Variants in PIK3CB observed in about 807,000 individuals in gnomAD.
PIK3CB encodes phosphatidylinositol 4,5-bisphosphate 3-kinase catalytic subunit beta isoform.
PIK3CB carries 39 observed loss-of-function variants against 136.8 expected under a neutral mutation model. The ratio of observed to expected loss-of-function variants is 0.29; its 90% CI spans 0.22 to 0.37. PIK3CB has a LOEUF of 0.37. Ranked by LOEUF, PIK3CB falls within the 10% of genes least tolerant of loss-of-function variation. The pLI is 1.00. For synonymous variants in PIK3CB, 428 were observed against 436.6 expected, an observed-to-expected ratio of 0.98 and a Z score of 0.25; for missense variants, 868 against 1,275.4, an observed-to-expected ratio of 0.68 and a Z score of 4.87.
chr3:138,690,939 T>C lies in PIK3CB; in HGVS notation c.2036+61A>G, dbSNP rs2108505777. 3 of 1,285,802 alleles carry C rather than the reference T, an allele frequency of 2.3e-6. No homozygotes were observed. In the South Asian group the frequency reaches 4.2e-5, roughly 18 times the overall value. 79.6% of individuals were successfully genotyped at this position (1,285,802 alleles called of 1,614,324 possible). Reference sequence around the variant, plus strand: ...GCAGCTATTTTTCTATTAAATATATTATGCTTGTTTATAGTTACTAAAGCA... The same window carrying C: ...GCAGCTATTTTTCTATTAAATATATCATGCTTGTTTATAGTTACTAAAGCA... On this transcript the variant is annotated intron_variant, in intron 15 of 23. Coordinates refer to ENST00000674063, the MANE Select transcript of PIK3CB (RefSeq NM_006219.3).
chr3:138,683,279 G>C (rs756743229), intron 18 of PIK3CB, among the ~76,000 whole-genome samples: 1 of 151,674 alleles, frequency 6.6e-6, no homozygotes, highest in African/African-American at 2.4e-5. Context: ...ACTTGGGCCT[G>C]GGAGGTGGAG....
chr3:138,834,496 A>T (rs1220766364), intron 1 of PIK3CB, among the ~76,000 whole-genome samples, 199 bp downstream of exon 1: 1 of 152,130 alleles, frequency 6.6e-6, no homozygotes, highest in Non-Finnish European at 1.5e-5. Flanking sequence ...GGCCGCAACC[A>T]AGCCAGACGC....
intron 4 of PIK3CB, among the ~76,000 whole-genome samples, chr3:138,754,638 C>A (rs2045532246): frequency 6.6e-6 from 1 of 152,136 alleles, no homozygotes; most frequent in Admixed American, 6.5e-5. Context: ...TAGCCACCCT[C>A]TGAAGTAATC....
intron 1 of PIK3CB, among the ~76,000 whole-genome samples, chr3:138,811,240 CAAAAAAAAAAAAA>C (rs558228212): frequency 4.7e-4 from 11 of 23,426 alleles, no homozygotes; most frequent in African/African-American, 7.9e-4. Flanking sequence ...AAGACTCTGC[CAAAAAAAAAAAAA>C]AAAAAAAAAA....
intron 8 of PIK3CB, among the ~76,000 whole-genome samples, chr3:138,726,466 A>G (rs566531751): frequency 7.2e-5 from 11 of 152,278 alleles, no homozygotes; most frequent in Middle Eastern, 3.4e-3. Flanking sequence ...TTCAACTCTG[A>G]GTCTTAGGCT....
chr3:138,719,292 CTGCAG>C, intron 8 of PIK3CB, among the ~76,000 whole-genome samples: 1 of 129,492 alleles, frequency 7.7e-6, no homozygotes, highest in Non-Finnish European at 1.5e-5. Flanking sequence ...GTCACCCAGG[CTGCAG>C]TGCAGTGGCA....
At chr3:138,701,784 C>CA (rs560982900) in intron 12 of PIK3CB, among the ~76,000 whole-genome samples, 4,048 of 54,136 alleles carry the variant, frequency 0.075, 192 homozygotes, top group African/African-American at 0.21. Context: ...GACTCTGTCT[C>CA]AAAAAAAAAA....
intron 17 of PIK3CB, 123 bp from the exon 18 acceptor site, chr3:138,683,910 CAGACTT>C: frequency 1.6e-6 from 1 of 637,358 alleles, no homozygotes; most frequent in Non-Finnish European, 2.8e-6. Context: ...GCAGAAGAGT[CAGACTT>C]AGAAGAGTCC....
chr3:138,682,085 T>A, intron 18 of PIK3CB, 40 bp from the exon 19 acceptor site: 2 of 1,246,664 alleles, frequency 1.6e-6, no homozygotes, highest in Non-Finnish European at 2.3e-6. Flanking sequence ...GTGCTTTTCC[T>A]TTTATGCCCT....
At position 138,684,679 on chromosome 3, in the gene PIK3CB, G is replaced by A. The variant is rs2108488464; in HGVS notation, c.2261C>T (p.Ala754Val). Reference sequence around the variant, plus strand: ...CAGGGGTGACTGCAGGTCAGAGAGGGCTTCCCGGTAAGCACTCTGTTTTAA... The same window carrying A: ...CAGGGGTGACTGCAGGTCAGAGAGGACTTCCCGGTAAGCACTCTGTTTTAA... ...TCLKQSAYRE[A>V]LSDLQSPLNP... is the part of the protein sequence containing the mutation. The change falls in exon 17 of 24, where the codon GCC (alanine) becomes GTC (valine). Residue 754 changes from alanine (A) to valine (V), a missense_variant. Ala to Val is a moderately conservative substitution (Grantham distance 64). Around this residue, in one of 4 missense-constraint regions of PIK3CB, gnomAD observed 165 missense variants for 295.4 expected, o/e 0.56. Coordinates refer to ENST00000674063, the MANE Select transcript of PIK3CB (RefSeq NM_006219.3). 1 of 1,613,978 alleles carries A rather than the reference G, an allele frequency of 6.2e-7. No homozygotes were observed. The highest frequency in any genetic ancestry group is 1.1e-5 in the South Asian group (1 of 91,060).
At chr3:138,825,504 A>G in intron 1 of PIK3CB, 2 of 687,002 alleles carry the variant, frequency 2.9e-6, no homozygotes, top group East Asian at 4.9e-5. Context: ...ACCCCGACAC[A>G]GTAGCATTTG....
intron 11 of PIK3CB, among the ~76,000 whole-genome samples, chr3:138,705,174 C>CAAAAAA (rs1159172292): frequency 1.8e-5 from 1 of 57,058 alleles, no homozygotes; most frequent in Non-Finnish European, 3.0e-5. Flanking sequence ...AAAAAAAAAA[C>CAAAAAA]AAAAAACAAA....
intron 1 of PIK3CB, among the ~76,000 whole-genome samples, chr3:138,797,570 A>G (rs573117615): frequency 3.2e-4 from 48 of 152,334 alleles, no homozygotes; most frequent in South Asian, 2.1e-3. Flanking sequence ...GAGGAACATT[A>G]TAAAACAAAT....
chr3:138,739,925 A>T (rs938306160), intron 5 of PIK3CB, among the ~76,000 whole-genome samples: 3 of 151,398 alleles, frequency 2.0e-5, no homozygotes, highest in African/African-American at 7.3e-5. Flanking sequence ...AAAAAATAAA[A>T]GAGACCCCAG....
intron 4 of PIK3CB, among the ~76,000 whole-genome samples, chr3:138,747,359 C>T (rs1193495564): frequency 6.6e-6 from 1 of 151,648 alleles, no homozygotes; most frequent in Admixed American, 6.6e-5. Flanking sequence ...CGGAGAGATC[C>T]CTTTTTACTG....
At chr3:138,774,622 G>A (rs759230241) in intron 2 of PIK3CB, among the ~76,000 whole-genome samples, 4 of 152,188 alleles carry the variant, frequency 2.6e-5, no homozygotes, top group Non-Finnish European at 5.9e-5. Flanking sequence ...GTGTAGCAGA[G>A]TACCCACATG....
chr3:138,756,156 T>C (rs916747618), intron 3 of PIK3CB, among the ~76,000 whole-genome samples, 177 bp from the exon 4 acceptor site: 1 of 152,072 alleles, frequency 6.6e-6, no homozygotes, highest in African/African-American at 2.4e-5. Flanking sequence ...GTGAAAATAA[T>C]AGAAATATAT....
At chr3:138,807,660 AG>A (rs1209866707) in intron 1 of PIK3CB, among the ~76,000 whole-genome samples, 1 of 152,172 alleles carries the variant, frequency 6.6e-6, no homozygotes, top group African/African-American at 2.4e-5. Flanking sequence ...TGGAAGGCCA[AG>A]GTGGGAGGAT....
intron 6 of PIK3CB, among the ~76,000 whole-genome samples, chr3:138,735,763 T>G (rs1303374635): frequency 1.3e-5 from 2 of 152,298 alleles, no homozygotes; most frequent in Middle Eastern, 6.8e-3. Flanking sequence ...ATGAATTTCC[T>G]ATACAGATCC....
Sources: gnomAD v4.1 joint callset for allele counts (sites outside exome capture counted in the v4.1 genomes callset) on GRCh38, gnomAD v4.1.1 for gene constraint, gnomAD v4.1.1 regional missense constraint, MANE v1.5 for transcripts, NCBI Gene and HGNC (gene_info 2026-07-23, HGNC 2026-07-21) for gene names.